The following BAIAP2L2 variants were observed in gnomAD, a reference collection of about 807,000 sequenced individuals.
BAIAP2L2 encodes BAR/IMD domain-containing adapter protein 2-like 2.
In BAIAP2L2, 65 loss-of-function variants were observed where a neutral mutation model predicts 60.4. The ratio of observed to expected loss-of-function variants is 1.08; its 90% CI spans 0.88 to 1.32. The LOEUF is 1.32. BAIAP2L2 is among the 40% of genes most tolerant of loss of function. The pLI, the probability that BAIAP2L2 is intolerant of heterozygous loss-of-function variation, is 0.00. For synonymous variants in BAIAP2L2, 344 were observed against 301.7 expected, an observed-to-expected ratio of 1.14 and a Z score of -1.45; for missense variants, 836 against 741.2, an observed-to-expected ratio of 1.13 and a Z score of -1.48.
chr22:38,086,740 A>T (rs572046899), intron 11 of BAIAP2L2, among the ~76,000 whole-genome samples: 1 of 152,180 alleles, frequency 6.6e-6, no homozygotes, highest in Admixed American at 6.5e-5. Context: ...TCACGCCTGT[A>T]ATCCCAGCAC....
chr22:38,088,581 G>A (rs2086170377), intron 10 of BAIAP2L2, among the ~76,000 whole-genome samples, 167 bp downstream of exon 10: 1 of 152,196 alleles, frequency 6.6e-6, no homozygotes, highest in South Asian at 2.1e-4. Flanking sequence ...TACTCCCACT[G>A]AATGAATGAG....
In BAIAP2L2 at chr22:38,094,800, T is replaced by TCAGATCC. The variant is rs2086388593; in HGVS notation, c.612+2225_612+2231dup. Among the ~76,000 whole-genome samples the TCAGATCC allele has an allele frequency of 2.0e-5, 3 of 149,424 alleles. No individual in the cohort carries two copies. The South Asian group carries it at 6.6e-4, about 33-fold the overall frequency. Reference sequence around the variant, plus strand: ...GTCATGTATCCCTGGGCCCGTGGGTTCAGATCCAGAGACTCGGGGAGGGCG... The same window carrying TCAGATCC: ...GTCATGTATCCCTGGGCCCGTGGGTTCAGATCCCAGATCCAGAGACTCGGGGAGGGCG... On this transcript the variant is annotated intron_variant, in intron 7 of 13. Transcript: ENST00000381669.
Position 38,095,684 on chromosome 22 carries a change from T to A in BAIAP2L2, c.612+1348A>T, listed in dbSNP as rs537983601. Among the ~76,000 whole-genome samples, 189 of 152,208 alleles carry A rather than the reference T, an allele frequency of 1.2e-3. 1 individual carries two copies. The highest frequency in any genetic ancestry group is 2.2e-3 in the Non-Finnish European group (152 of 68,010). On this transcript the variant is annotated intron_variant, in intron 7 of 13. Coordinates refer to ENST00000381669, the MANE Select transcript of BAIAP2L2 (RefSeq NM_025045.6). The stretch of plus-strand genomic sequence containing the variant: ...CCAGCCTAATTTTTGTGGAAAGCTT[T>A]AAATCAAGGTCTCATCTTATGAATT...
intron 4 of BAIAP2L2, 89 bp from the exon 5 acceptor site, chr22:38,098,571 GC>G: frequency 9.8e-7 from 1 of 1,017,814 alleles, no homozygotes; most frequent in Non-Finnish European, 1.5e-6. Context: ...ATAACAGACT[GC>G]CCATCGTGCT....
At chr22:38,085,639 G>A (rs374033930) in intron 13 of BAIAP2L2, 47 bp downstream of exon 13, 80 of 1,593,254 alleles carry the variant, frequency 5.0e-5, no homozygotes, top group Admixed American at 6.7e-5. Flanking sequence ...GTGTGCCGCC[G>A]CACCTGCCAC....
In BAIAP2L2 at chr22:38,087,176, T is replaced by A. The variant is rs200520591; in HGVS notation, c.1207A>T (p.Thr403Ser). 7.7e-4 allele frequency: 881 copies of A among 1,138,658 alleles called. No individual in the cohort carries two copies. Among genetic ancestry groups the A allele is most frequent in the African/African-American group, 2.1e-3 (120 of 55,848 alleles). 70.5% of individuals were successfully genotyped at this position (1,138,658 alleles called of 1,614,324 possible). Residue 403 changes from threonine to serine, a missense_variant, in exon 11 of 14, where the codon ACC becomes TCC. Thr to Ser is a moderately conservative substitution (Grantham distance 58, BLOSUM62 1). Transcript: ENST00000381669. ...ATGGGTGTCATGGGGGACATGGAGG[T>A]CATGGAGGTCATGGGGGTCACGGGG... ...MTPVTPMTSM[T>S]SMSPMTPMNP...
chr22:38,101,568 A>AAG (rs1425857832), intron 4 of BAIAP2L2, among the ~76,000 whole-genome samples: 1 of 144,406 alleles, frequency 6.9e-6, no homozygotes, highest in East Asian at 2.1e-4. Flanking sequence ...AAAAAAAAAA[A>AAG]AAAGTCCAGG....
intron 7 of BAIAP2L2, among the ~76,000 whole-genome samples, 159 bp downstream of exon 7, chr22:38,096,873 A>C (rs1216440053): frequency 6.6e-6 from 1 of 152,196 alleles, no homozygotes; most frequent in African/African-American, 2.4e-5. Flanking sequence ...CCCAGAAACA[A>C]AGGAAGAAAT....
intron 4 of BAIAP2L2, among the ~76,000 whole-genome samples, chr22:38,107,324 C>G (rs2086684193): frequency 6.6e-6 from 1 of 152,156 alleles, no homozygotes; most frequent in African/African-American, 2.4e-5. Context: ...GACAGCAGGA[C>G]AGCAGCCCCG....
At chr22:38,109,655 T>C (rs1264638184) in intron 1 of BAIAP2L2, among the ~76,000 whole-genome samples, 27 of 151,984 alleles carry the variant, frequency 1.8e-4, no homozygotes. Context: ...GCTCTCGCCC[T>C]CCTCCGAGAA....
chr22:38,087,801 C>T (rs1432083035), intron 10 of BAIAP2L2, among the ~76,000 whole-genome samples: 3 of 151,902 alleles, frequency 2.0e-5, no homozygotes, highest in African/African-American at 2.4e-5. Context: ...ATCCAGCACC[C>T]CCTCACCACT....
intron 4 of BAIAP2L2, among the ~76,000 whole-genome samples, chr22:38,103,281 C>T (rs1006000230): frequency 1.3e-5 from 2 of 151,864 alleles, no homozygotes; most frequent in Non-Finnish European, 1.5e-5. Flanking sequence ...AGAGACAGAG[C>T]GAGAGAATAT....
chr22:38,085,524 T>G (rs2086034007), intron 13 of BAIAP2L2, 149 bp from the exon 14 acceptor site: 1 of 1,304,852 alleles, frequency 7.7e-7, no homozygotes, highest in African/African-American at 1.5e-5. Flanking sequence ...ATCTTTTTTT[T>G]TCTTTTAAGA....
At chr22:38,086,683 G>A (rs974407376) in intron 11 of BAIAP2L2, among the ~76,000 whole-genome samples, 1 of 152,084 alleles carries the variant, frequency 6.6e-6, no homozygotes, top group Non-Finnish European at 1.5e-5. Flanking sequence ...GGGCTGAAGG[G>A]GGCTGGGCCC....
intron 4 of BAIAP2L2, among the ~76,000 whole-genome samples, chr22:38,104,640 C>A (rs981630418): frequency 6.6e-6 from 1 of 151,902 alleles, no homozygotes; most frequent in South Asian, 2.1e-4. Flanking sequence ...GGACTACAGG[C>A]GCCCACCACC....
chr22:38,110,461 A>T lies in BAIAP2L2; in HGVS notation c.51+14T>A. ...GGAGGGGCTCAGGCCTGGCTTGGCC[A>T]CCCATGTGCTCACCTTGTAGATGGC... On this transcript the variant is annotated intron_variant, in intron 1 of 13. Transcript: ENST00000381669. 2 of 1,611,222 alleles carry T rather than the reference A, an allele frequency of 1.2e-6. No homozygotes were observed. Among genetic ancestry groups the T allele is most frequent in the Non-Finnish European group, 1.7e-6 (2 of 1,179,008 alleles).
At chr22:38,099,325 G>T (rs1383182883) in intron 4 of BAIAP2L2, among the ~76,000 whole-genome samples, 1 of 152,120 alleles carries the variant, frequency 6.6e-6, no homozygotes, top group Non-Finnish European at 1.5e-5. Flanking sequence ...CCTGAGGCCA[G>T]GAGTTCGAGA....
Position 38,098,223 on chromosome 22 carries a change from G to A in BAIAP2L2, c.349-44C>T, listed in dbSNP as rs545639069. 1.9e-5 allele frequency: 30 copies of A among 1,591,966 alleles called. No individual in the cohort carries two copies. In the South Asian group the frequency reaches 2.8e-4, roughly 15 times the overall value. ...GGGGAGGGAGAATCCCCCCACATCA[G>A]AGAGCTCAAGACACCCCTCCCAGAG... On this transcript the variant is annotated intron_variant, in intron 5 of 13. Transcript: ENST00000381669.
Position 38,085,289 on chromosome 22 carries a change from C to T in BAIAP2L2, c.*11G>A, listed in dbSNP as rs764635277. 8.7e-6 allele frequency: 14 copies of T among 1,613,380 alleles called. No homozygotes were observed. The highest frequency in any genetic ancestry group is 6.7e-5 in the East Asian group (3 of 44,864). Reference sequence around the variant, plus strand: ...GCAGGTGCACTGTGGGGTACGACCTCGGACCCCGCCTCAGCGGATGAGGGG... The same window carrying T: ...GCAGGTGCACTGTGGGGTACGACCTTGGACCCCGCCTCAGCGGATGAGGGG... On this transcript the variant is annotated 3_prime_UTR_variant, in exon 14 of 14. Transcript: ENST00000381669.
Sources: gnomAD v4.1 joint callset for allele counts (sites outside exome capture counted in the v4.1 genomes callset) on GRCh38, gnomAD v4.1.1 for gene constraint, MANE v1.5 for transcripts, NCBI Gene and HGNC (gene_info 2026-07-23, HGNC 2026-07-21) for gene names.